GLCCI1: variants seen among roughly 807,000 people sequenced by gnomAD.
GLCCI1 encodes the protein glucocorticoid induced 1.
Under a neutral mutation model 52.2 loss-of-function variants are expected in GLCCI1, and 24 were observed. The observed-to-expected ratio is 0.46, with a 90% confidence interval of 0.33 to 0.65. The LOEUF (loss-of-function observed/expected upper bound fraction) is 0.65. GLCCI1 is among the 30% of genes least tolerant of loss of function. GLCCI1 has a pLI of 0.02. For missense variants in GLCCI1, 704 were observed against 701.5 expected, an observed-to-expected ratio of 1.00 and a Z score of -0.04; for synonymous variants, 310 against 276.5, an observed-to-expected ratio of 1.12 and a Z score of -1.20.
At chr7:7,990,300 A>T (rs751268786) in intron 1 of GLCCI1, among the ~76,000 whole-genome samples, 14 of 152,232 alleles carry the variant, frequency 9.2e-5, no homozygotes, top group Non-Finnish European at 2.1e-4. Flanking sequence ...TACAGTAAAC[A>T]CTAAAACTTT....
intron 3 of GLCCI1, among the ~76,000 whole-genome samples, chr7:8,053,008 AT>A (rs1782293973): frequency 1.4e-5 from 1 of 71,868 alleles, no homozygotes; most frequent in Non-Finnish European, 3.0e-5. Context: ...GTTTTGTATT[AT>A]TTATTTATTT....
chr7:7,973,448 AAGAT>A (rs1208071121), intron 1 of GLCCI1, among the ~76,000 whole-genome samples: 5 of 90,426 alleles, frequency 5.5e-5, no homozygotes, highest in East Asian at 2.9e-4. Context: ...GTGTTTTGTA[AAGAT>A]AGATCATTAG....
At chr7:8,003,829 T>A in intron 1 of GLCCI1, 79 bp from the exon 2 acceptor site, 1 of 1,292,066 alleles carries the variant, frequency 7.7e-7, no homozygotes, top group Non-Finnish European at 1.1e-6. Flanking sequence ...CAGGATGACA[T>A]TCTACAAACT....
intron 3 of GLCCI1, among the ~76,000 whole-genome samples, chr7:8,055,222 A>G (rs943776641): frequency 1.3e-5 from 2 of 152,208 alleles, no homozygotes; most frequent in African/African-American, 4.8e-5. Flanking sequence ...ACACTATTCA[A>G]ATTTGTAGAA....
rs1265551933 is a variant in GLCCI1 at position 8,086,195 on chromosome 7, C to G, written c.1301C>G (p.Ser434Cys). 6.2e-7 allele frequency: 1 copy of G among 1,604,844 alleles called. No individual in the cohort carries two copies. Among genetic ancestry groups the G allele is most frequent in the African/African-American group, 1.3e-5 (1 of 74,272 alleles). ...CTAATTTTGTTTTATGGTTTTAGGTCTCGTCAGCCTATCTCGGCCCCTCTC... is the reference window on the plus strand; with the variant it reads ...CTAATTTTGTTTTATGGTTTTAGGTGTCGTCAGCCTATCTCGGCCCCTCTC... ...ERVKVFEEMA[S>C]RQPISAPLFS... Residue 434 changes from serine (S) to cysteine (C), a missense_variant and splice_region_variant, in exon 8 of 8, where the codon TCT becomes TGT. By Grantham distance (112) the Ser-to-Cys change is moderately radical. Coordinates refer to ENST00000223145, the MANE Select transcript of GLCCI1 (RefSeq NM_138426.4). This position sits in a 1 kb window ranked among gnomAD's most constrained non-coding sequence, Gnocchi z 4.4.
intron 1 of GLCCI1, among the ~76,000 whole-genome samples, chr7:7,989,451 A>G (rs1277063275): frequency 6.6e-6 from 1 of 152,136 alleles, no homozygotes; most frequent in Non-Finnish European, 1.5e-5. Flanking sequence ...GGAAAATAGA[A>G]TGACAATTGG....
In GLCCI1 at chr7:7,998,617, G is replaced by A. The variant is rs1019654371; in HGVS notation, c.458-5291G>A. Among the ~76,000 whole-genome samples, 11 of 152,288 alleles carry A rather than the reference G, an allele frequency of 7.2e-5. No individual in the cohort carries two copies. The East Asian group carries it at 1.9e-3, about 27-fold the overall frequency. ...TTCCAAAGAAGCTATAGTGTACTTT[G>A]TCTTTCTTACTTTCTAGTGTTCCTA... On this transcript the variant is annotated intron_variant, in intron 1 of 7. Transcript: ENST00000223145.
chr7:8,039,461 A>G (rs1220176421), intron 3 of GLCCI1, among the ~76,000 whole-genome samples: 1 of 152,212 alleles, frequency 6.6e-6, no homozygotes, highest in African/African-American at 2.4e-5. Flanking sequence ...TAATTCATAA[A>G]GAAGAATGAA....
chr7:8,084,487 T>G (rs550888842), intron 6 of GLCCI1, among the ~76,000 whole-genome samples: 2 of 152,318 alleles, frequency 1.3e-5, no homozygotes, highest in East Asian at 3.9e-4. Flanking sequence ...CATTATTCAT[T>G]TTCGTTAAAT....
chr7:8,022,443 A>C (rs1032657608), intron 2 of GLCCI1, 40 bp from the exon 3 acceptor site: 2 of 1,153,504 alleles, frequency 1.7e-6, no homozygotes, highest in African/African-American at 3.3e-5. Context: ...GGAAGTAGAG[A>C]TAAAATTTCT....
intron 5 of GLCCI1, among the ~76,000 whole-genome samples, chr7:8,068,395 C>A (rs1432158078): frequency 6.6e-6 from 1 of 152,188 alleles, no homozygotes; most frequent in Admixed American, 6.5e-5. Flanking sequence ...AACCAGTCTT[C>A]AAGCTCTGAG....
chr7:8,084,432 A>G (rs1356724769), intron 6 of GLCCI1, among the ~76,000 whole-genome samples: 1 of 152,198 alleles, frequency 6.6e-6, no homozygotes, highest in Non-Finnish European at 1.5e-5. Context: ...GTTATTCATG[A>G]TATTTAGCAA....
chr7:8,007,623 G>C (rs1301133196), intron 2 of GLCCI1, among the ~76,000 whole-genome samples: 1 of 152,120 alleles, frequency 6.6e-6, no homozygotes, highest in African/African-American at 2.4e-5. Context: ...TCTTAGGGTG[G>C]GAAGAACTTG....
At chr7:8,017,951 T>C (rs78801244) in intron 2 of GLCCI1, among the ~76,000 whole-genome samples, 2,458 of 152,330 alleles carry the variant, frequency 0.016, 57 homozygotes, top group East Asian at 0.084. Flanking sequence ...AAAATTGTTT[T>C]ATTAGTCAAA....
At chr7:7,992,040 A>ATTTTTTCT (rs1292674632) in intron 1 of GLCCI1, among the ~76,000 whole-genome samples, 1 of 135,568 alleles carries the variant, frequency 7.4e-6, no homozygotes, top group Non-Finnish European at 1.6e-5. Context: ...ATTAGAATTT[A>ATTTTTTCT]TTTTTTCTTT....
intron 5 of GLCCI1, among the ~76,000 whole-genome samples, chr7:8,063,481 G>T (rs375366172): frequency 6.6e-6 from 1 of 152,078 alleles, no homozygotes; most frequent in South Asian, 2.1e-4. Context: ...TCTAACTGAT[G>T]TGAGATGGTA....
chr7:8,012,115 A>G (rs181906223), intron 2 of GLCCI1, among the ~76,000 whole-genome samples: 35 of 152,160 alleles, frequency 2.3e-4, no homozygotes, highest in Admixed American at 2.2e-3. Flanking sequence ...GTGCCCAGCC[A>G]GGGGTCCAGT....
In GLCCI1 at chr7:7,980,781, A is replaced by T. The variant is rs1468595; in HGVS notation, c.457+10974A>T. Reference sequence around the variant, plus strand: ...GTACCATACAGTATTTGGTGAGGTGACAGAAGGCATTGACATAATTAAGAA... The same window carrying T: ...GTACCATACAGTATTTGGTGAGGTGTCAGAAGGCATTGACATAATTAAGAA... On this transcript the variant is annotated intron_variant, in intron 1 of 7. Coordinates refer to ENST00000223145, the MANE Select transcript of GLCCI1 (RefSeq NM_138426.4). 6,753 of 694,064 alleles carry T rather than the reference A, an allele frequency of 9.7e-3. 56 individuals are homozygous for T. Among genetic ancestry groups the T allele is most frequent in the South Asian group, 0.023 (1,474 of 63,288 alleles). The allele number at this position is 694,064 out of a possible 1,614,324, so 43.0% of individuals were successfully genotyped here.
intron 1 of GLCCI1, among the ~76,000 whole-genome samples, chr7:7,971,734 T>C (rs1439316198): frequency 6.6e-6 from 1 of 152,234 alleles, no homozygotes; most frequent in African/African-American, 2.4e-5. Flanking sequence ...ATTTGTGATC[T>C]GGCTTAAACT....
Sources: gnomAD v4.1 joint callset for allele counts (sites outside exome capture counted in the v4.1 genomes callset) on GRCh38, gnomAD v4.1.1 for gene constraint, Gnocchi (gnomAD v3.1) non-coding constraint, MANE v1.5 for transcripts, NCBI Gene and HGNC (gene_info 2026-07-23, HGNC 2026-07-21) for gene names.